Variants in SKA2 observed in about 807,000 individuals in gnomAD.
SKA2 encodes the protein spindle and kinetochore associated complex subunit 2.
In SKA2, 13 loss-of-function variants were observed where a neutral mutation model predicts 16.9. The observed-to-expected ratio is 0.77, with a 90% CI of 0.50 to 1.22. The LOEUF (loss-of-function observed/expected upper bound fraction) is 1.22, where lower values mean the gene tolerates loss of function less well. Among genes scored for constraint, SKA2 ranks in the 50% most tolerant of loss-of-function variants. The pLI, the probability that SKA2 is intolerant of heterozygous loss-of-function variation, is 0.00. For synonymous variants in SKA2, 47 were observed against 48.5 expected, an observed-to-expected ratio of 0.97 and a Z score of 0.13; for missense variants, 107 against 139.7, an observed-to-expected ratio of 0.77 and a Z score of 1.18.
intron 1 of SKA2, among the ~76,000 whole-genome samples, 179 bp from the exon 2 acceptor site, chr17:59,131,546 A>T (rs2046411892): frequency 6.6e-6 from 1 of 152,220 alleles, no homozygotes; most frequent in South Asian, 2.1e-4. Flanking sequence ...ATGCTCTATG[A>T]AAAATTTAAA....
At chr17:59,148,540 T>C (rs1273751386) in intron 1 of SKA2, among the ~76,000 whole-genome samples, 3 of 152,080 alleles carry the variant, frequency 2.0e-5, no homozygotes, top group Middle Eastern at 3.2e-3. Context: ...CATCTCAGCC[T>C]CTCAAGTATG....
chr17:59,151,346 GT>G (rs1248512435), intron 1 of SKA2: 1 of 400,952 alleles, frequency 2.5e-6, no homozygotes, highest in Non-Finnish European at 4.8e-6. Flanking sequence ...TTATATCAAT[GT>G]TTTTTTAAAA....
At position 59,121,609 on chromosome 17, in the gene SKA2, C is replaced by T. The variant is rs1486421847; in HGVS notation, c.121-2114G>A. ...CAGAGGTGGCAGTGAGCCAAGATGGCACCATTGCATTCCAGCCTGGGTGAC... is the reference window on the plus strand; with the variant it reads ...CAGAGGTGGCAGTGAGCCAAGATGGTACCATTGCATTCCAGCCTGGGTGAC... On this transcript the variant is annotated intron_variant, in intron 2 of 3. Transcript: ENST00000330137. Among the ~76,000 whole-genome samples, 15 of 148,300 alleles carry T rather than the reference C, an allele frequency of 1.0e-4. No homozygotes were observed. The East Asian group carries it at 2.8e-3, about 28-fold the overall frequency.
chr17:59,143,890 G>C (rs1017295418), intron 1 of SKA2, among the ~76,000 whole-genome samples: 3 of 152,114 alleles, frequency 2.0e-5, no homozygotes, highest in Admixed American at 1.3e-4. Context: ...GGGCGCAGTG[G>C]CTCATGCCTG....
intron 1 of SKA2, among the ~76,000 whole-genome samples, chr17:59,145,759 T>A (rs556724830): frequency 1.1e-4 from 17 of 151,848 alleles, no homozygotes; most frequent in African/African-American, 3.4e-4. Context: ...GAGGCTGAGG[T>A]AGGAGGATCA....
intron 1 of SKA2, among the ~76,000 whole-genome samples, chr17:59,135,174 A>T (rs2046435849): frequency 6.6e-6 from 1 of 151,882 alleles, no homozygotes. Context: ...TTCCTGCAAT[A>T]CCTAGGGGCC....
At position 59,147,377 on chromosome 17, in the gene SKA2, GAC is replaced by G. The variant is rs57098353; in HGVS notation, c.33+7752_33+7753del. Reference sequence around the variant, plus strand: ...ACTAAGAAAGAAATTTTATATATAAGACACACACACACACACACACACACACA... The same window carrying G: ...ACTAAGAAAGAAATTTTATATATAAGACACACACACACACACACACACACA... On this transcript the variant is annotated intron_variant, in intron 1 of 3. Coordinates refer to ENST00000330137, the MANE Select transcript of SKA2 (RefSeq NM_182620.4). Among the ~76,000 whole-genome samples, 1,089 of 138,008 alleles carry G rather than the reference GAC, an allele frequency of 7.9e-3. 9 individuals carry two copies. The highest frequency in any genetic ancestry group is 0.017 in the African/African-American group (621 of 36,582). 90.5% of individuals were successfully genotyped at this position (138,008 alleles called of 152,430 possible).
intron 2 of SKA2, among the ~76,000 whole-genome samples, chr17:59,124,587 G>A (rs1435796997): frequency 6.6e-6 from 1 of 152,160 alleles, no homozygotes; most frequent in Non-Finnish European, 1.5e-5. Flanking sequence ...AGATCTGCAT[G>A]TATTAATATA....
chr17:59,134,428 C>A (rs1287635083), intron 1 of SKA2, among the ~76,000 whole-genome samples: 1 of 152,154 alleles, frequency 6.6e-6, no homozygotes, highest in Admixed American at 6.6e-5. Context: ...ATTCCTAAGA[C>A]AGAATCTCTA....
chr17:59,131,212 G>A (rs1417551493), intron 2 of SKA2, 69 bp downstream of exon 2: 1 of 974,102 alleles, frequency 1.0e-6, no homozygotes, highest in Admixed American at 2.4e-5. Context: ...TATTAGGAAT[G>A]CTATCAGAAA....
At position 59,134,301 on chromosome 17, in the gene SKA2, C is replaced by T. The variant is rs192098758; in HGVS notation, c.34-2934G>A. 1.1e-3 allele frequency among the ~76,000 whole-genome samples: 171 copies of T among 152,212 alleles called. 1 individual carries two copies. The highest frequency in any genetic ancestry group is 2.1e-3 in the Admixed American group (32 of 15,270). On this transcript the variant is annotated intron_variant, in intron 1 of 3. Transcript: ENST00000330137. ...CTTAATTACTGAACAGACCACAATT[C>T]CATAGCTTTTTTCAATGAGTTATAT...
intron 1 of SKA2, among the ~76,000 whole-genome samples, chr17:59,149,574 G>T (rs1324957724): frequency 1.3e-5 from 2 of 151,994 alleles, no homozygotes; most frequent in Non-Finnish European, 2.9e-5. Context: ...CAACACAGGA[G>T]GATCACTTGA....
At chr17:59,139,065 GTAGACAGGTGTGTTCTGGACT>G (rs1451614935) in intron 1 of SKA2, among the ~76,000 whole-genome samples, 2 of 152,116 alleles carry the variant, frequency 1.3e-5, no homozygotes, top group African/African-American at 4.8e-5. Flanking sequence ...AGAAGAGTTG[GTAGACAGGTGTGTTCTGGACT>G]TACTAAACAG....
chr17:59,137,949 G>A (rs980330810), intron 1 of SKA2: 43 of 370,364 alleles, frequency 1.2e-4, no homozygotes, highest in Middle Eastern at 5.9e-4. Context: ...GATAAATCGC[G>A]CAAATTTGAT....
chr17:59,114,604 A>C (rs1199636600), intron 3 of SKA2, among the ~76,000 whole-genome samples: 1 of 152,232 alleles, frequency 6.6e-6, no homozygotes, highest in African/African-American at 2.4e-5. Context: ...CCAAAACGTC[A>C]TTATGCACTG....
intron 2 of SKA2, among the ~76,000 whole-genome samples, chr17:59,122,875 G>A (rs1568302913): frequency 1.3e-5 from 2 of 151,602 alleles, no homozygotes; most frequent in South Asian, 2.1e-4. Flanking sequence ...TGCCTACCTC[G>A]GCCTCCCAAA....
At chr17:59,138,210 GTC>G (rs964990151) in intron 1 of SKA2, among the ~76,000 whole-genome samples, 1 of 151,822 alleles carries the variant, frequency 6.6e-6, no homozygotes, top group Non-Finnish European at 1.5e-5. Context: ...GGTGAAAAAA[GTC>G]TATGGAAATC....
At chr17:59,143,409 T>C (rs934645470) in intron 1 of SKA2, among the ~76,000 whole-genome samples, 1 of 152,084 alleles carries the variant, frequency 6.6e-6, no homozygotes, top group Non-Finnish European at 1.5e-5. Flanking sequence ...TGAGTCAGAG[T>C]CTTACTCTGT....
chr17:59,135,040 G>A (rs1288938211), intron 1 of SKA2, among the ~76,000 whole-genome samples: 2 of 151,906 alleles, frequency 1.3e-5, no homozygotes, highest in African/African-American at 2.4e-5. Context: ...TCACCATATT[G>A]GCCAGGCTGG....
Sources: gnomAD v4.1 joint callset for allele counts (sites outside exome capture counted in the v4.1 genomes callset) on GRCh38, gnomAD v4.1.1 for gene constraint, MANE v1.5 for transcripts, NCBI Gene and HGNC (gene_info 2026-07-23, HGNC 2026-07-21) for gene names.